The following ELP4 variants were observed in gnomAD, a reference collection of about 807,000 sequenced individuals.
ELP4 encodes elongator complex protein 4.
A neutral mutation model predicts 48.9 loss-of-function variants in ELP4; 51 were observed. That is an observed-to-expected ratio of 1.04 (90% CI 0.83 to 1.32). The LOEUF (loss-of-function observed/expected upper bound fraction) is 1.32, where lower values mean the gene tolerates loss of function less well. ELP4 is among the 40% of genes most tolerant of loss of function. The pLI, the probability that ELP4 is intolerant of heterozygous loss-of-function variation, is 0.00. For synonymous variants in ELP4, 210 were observed against 189.2 expected, an observed-to-expected ratio of 1.11 and a Z score of -0.90; for missense variants, 519 against 514.6, an observed-to-expected ratio of 1.01 and a Z score of -0.08.
At chr11:31,751,265 G>C (rs1310096831) in intron 9 of ELP4, among the ~76,000 whole-genome samples, 1 of 152,046 alleles carries the variant, frequency 6.6e-6, no homozygotes, top group African/African-American at 2.4e-5. Context: ...TTCTTTTAAG[G>C]GCTTAATTTA....
At chr11:31,626,620 T>C (rs963505972) in intron 5 of ELP4, among the ~76,000 whole-genome samples, 1 of 151,854 alleles carries the variant, frequency 6.6e-6, no homozygotes, top group Non-Finnish European at 1.5e-5. Context: ...TCGTGTGTCT[T>C]AAAAAATCAA....
intron 5 of ELP4, among the ~76,000 whole-genome samples, chr11:31,609,717 A>G (rs184578232): frequency 1.6e-3 from 249 of 152,242 alleles, no homozygotes; most frequent in African/African-American, 5.8e-3. Flanking sequence ...GCAAAGATCC[A>G]CAGTATATTC....
intron 9 of ELP4, among the ~76,000 whole-genome samples, chr11:31,717,595 A>G (rs1477731327): frequency 1.3e-5 from 2 of 152,038 alleles, no homozygotes; most frequent in Non-Finnish European, 2.9e-5. Context: ...CTCTACTAAA[A>G]ATACAAAAAT....
chr11:31,710,777 C>A (rs559049200), intron 9 of ELP4, among the ~76,000 whole-genome samples: 1 of 151,972 alleles, frequency 6.6e-6, no homozygotes, highest in African/African-American at 2.4e-5. Flanking sequence ...ACACAGAGAG[C>A]GACATAATCA....
At chr11:31,618,303 A>C (rs920151262) in intron 5 of ELP4, among the ~76,000 whole-genome samples, 1 of 152,120 alleles carries the variant, frequency 6.6e-6, no homozygotes, top group African/African-American at 2.4e-5. Flanking sequence ...TATTTCTCAT[A>C]GTTCTGAAAG....
Position 31,784,320 on chromosome 11 carries a change from AACTC to A in ELP4, c.*798_*801del, listed in dbSNP as rs1222509007. On this transcript the variant is annotated 3_prime_UTR_variant, in exon 10 of 10. Transcript: ENST00000640961. Reference sequence around the variant, plus strand: ...TGAGACAAAGTGAAAAAATGAAACTAACTCAGATTTCCATTGCATCACATAAATA... The same window carrying A: ...TGAGACAAAGTGAAAAAATGAAACTAAGATTTCCATTGCATCACATAAATA... 2 of 152,168 alleles carry A rather than the reference AACTC, an allele frequency of 1.3e-5. No individual in the cohort carries two copies. The highest frequency in any genetic ancestry group is 4.8e-5 in the African/African-American group (2 of 41,456). The allele number at this position is 152,168 out of a possible 1,614,324, so 9.4% of individuals were successfully genotyped here.
intron 9 of ELP4, among the ~76,000 whole-genome samples, chr11:31,733,177 C>T (rs1471297335): frequency 6.6e-6 from 1 of 152,058 alleles, no homozygotes. Flanking sequence ...TAAGTCTTAA[C>T]AAATTTAAGA....
chr11:31,529,538 C>T (rs1047613070), intron 2 of ELP4, among the ~76,000 whole-genome samples: 1 of 152,152 alleles, frequency 6.6e-6, no homozygotes, highest in Admixed American at 6.5e-5. Flanking sequence ...CTTGACATTC[C>T]TGTTTCCCAG....
rs189299185 is a variant in ELP4, at chr11:31,630,800, C to G, written c.739-1417C>G. ...ACAAAAACAATAAAAGAAAAATTAG[C>G]TAGATCTGGTGGCACATGCACGTAG... On this transcript the variant is annotated intron_variant, in intron 6 of 9. Coordinates refer to ENST00000640961, the MANE Select transcript of ELP4 (RefSeq NM_019040.5). Among the ~76,000 whole-genome samples, 210 of 152,142 alleles carry G rather than the reference C, an allele frequency of 1.4e-3. 1 individual carries two copies. Among genetic ancestry groups the G allele is most frequent in the African/African-American group, 5.0e-3 (206 of 41,512 alleles).
intron 2 of ELP4, among the ~76,000 whole-genome samples, chr11:31,523,092 T>C (rs1956241933): frequency 6.6e-6 from 1 of 151,850 alleles, no homozygotes; most frequent in Non-Finnish European, 1.5e-5. Flanking sequence ...AGGCTGTTCT[T>C]AAACTTCAGG....
chr11:31,632,210 C>A lies in ELP4; in HGVS notation c.739-7C>A. ...TATATGTTTGCTTTTTTCCCACTTTCTTTTAGAAAAAACAGAGAAACATTT... is the reference window on the plus strand; with the variant it reads ...TATATGTTTGCTTTTTTCCCACTTTATTTTAGAAAAAACAGAGAAACATTT... On this transcript the variant is annotated splice_region_variant and splice_polypyrimidine_tract_variant and intron_variant, in intron 6 of 9. Transcript: ENST00000640961. The A allele has an allele frequency of 1.9e-6, 3 of 1,592,918 alleles. No homozygotes were observed. The highest frequency in any genetic ancestry group is 2.6e-6 in the Non-Finnish European group (3 of 1,172,922).
chr11:31,746,567 G>C (rs1947596667), intron 9 of ELP4, among the ~76,000 whole-genome samples: 1 of 152,172 alleles, frequency 6.6e-6, no homozygotes, highest in Non-Finnish European at 1.5e-5. Flanking sequence ...CATAAAAAAT[G>C]ATGAGTTCAT....
intron 5 of ELP4, among the ~76,000 whole-genome samples, chr11:31,623,082 A>G (rs537975002): frequency 1.3e-5 from 2 of 151,064 alleles, no homozygotes; most frequent in Admixed American, 1.3e-4. Context: ...ATAGTATACA[A>G]ATTCATATAA....
intron 9 of ELP4, among the ~76,000 whole-genome samples, chr11:31,779,192 A>G (rs1216936855): frequency 6.6e-6 from 1 of 152,260 alleles, no homozygotes; most frequent in Non-Finnish European, 1.5e-5. Context: ...GGGTCAAAGT[A>G]TACTACATCA....
chr11:31,697,965 TA>T (rs1946445088), intron 9 of ELP4, among the ~76,000 whole-genome samples: 2 of 141,472 alleles, frequency 1.4e-5, no homozygotes, highest in South Asian at 2.3e-4. Context: ...GCTTTTTTTT[TA>T]AAAGGATTTT....
chr11:31,642,197 GT>G (rs1945113492), intron 7 of ELP4, among the ~76,000 whole-genome samples: 1 of 151,182 alleles, frequency 6.6e-6, no homozygotes, highest in Admixed American at 6.6e-5. Context: ...TTTTTGTAAT[GT>G]TTTATAGAAT....
rs79094067 is a variant in ELP4 at position 31,680,021 on chromosome 11, G to T, written c.1143+29800G>T. 2.2e-4 allele frequency among the ~76,000 whole-genome samples: 34 copies of T among 152,228 alleles called. No individual in the cohort carries two copies. The East Asian group carries it at 6.6e-3, about 29-fold the overall frequency. ...CTCTTTTGGTATTGGTCCCTGTGGA[G>T]AATTTTTTTTTCCTAGGCTTTTACT... On this transcript the variant is annotated intron_variant, in intron 9 of 9. Transcript: ENST00000640961.
intron 4 of ELP4, chr11:31,600,597 A>G (rs1445300052): frequency 1.3e-5 from 2 of 152,174 alleles, no homozygotes; most frequent in African/African-American, 4.8e-5. Flanking sequence ...ACACAATAAT[A>G]ACAATGAATA....
intron 9 of ELP4, among the ~76,000 whole-genome samples, chr11:31,686,598 G>C (rs918671851): frequency 2.0e-5 from 3 of 152,080 alleles, no homozygotes; most frequent in Admixed American, 2.0e-4. Flanking sequence ...GTATCACTCT[G>C]GGCCTGGTGC....
Sources: allele counts gnomAD v4.1 joint callset (sites outside exome capture counted in the v4.1 genomes callset), GRCh38; gene constraint gnomAD v4.1.1; transcripts MANE v1.5; gene names NCBI Gene and HGNC (gene_info 2026-07-23, HGNC 2026-07-21).